The following PTPRO variants were observed in gnomAD, a reference collection of about 807,000 sequenced individuals.
The protein encoded by PTPRO is protein tyrosine phosphatase receptor type O.
PTPRO carries 62 observed loss-of-function variants against 145.2 expected under a neutral mutation model. That is an observed-to-expected ratio of 0.43 (90% CI 0.35 to 0.53). PTPRO has a LOEUF of 0.53. Among genes scored for constraint, PTPRO ranks in the 20% least tolerant of loss-of-function variants. PTPRO has a pLI of 0.01. For synonymous variants in PTPRO, 565 were observed against 514.7 expected (o/e 1.10, Z -1.32); for missense variants, 1,345 against 1,482.7 (o/e 0.91, Z 1.53).
At chr12:15,484,274 G>A (rs369835569) in intron 2 of PTPRO, 27 bp downstream of exon 2, 25 of 1,611,666 alleles carry the variant, frequency 1.6e-5, no homozygotes, top group Admixed American at 3.3e-5. Flanking sequence ...ATATTGTCCC[G>A]TTTCTTCTTA....
At chr12:15,486,438 G>T (rs1478404795) in intron 2 of PTPRO, among the ~76,000 whole-genome samples, 1 of 152,040 alleles carries the variant, frequency 6.6e-6, no homozygotes, top group African/African-American at 2.4e-5. Flanking sequence ...ACGTGTAAAA[G>T]GGTTTCCTGC....
intron 1 of PTPRO, among the ~76,000 whole-genome samples, chr12:15,366,945 G>GA (rs1938379515): frequency 1.3e-5 from 2 of 151,794 alleles, no homozygotes; most frequent in African/African-American, 2.4e-5. Flanking sequence ...GTACTCAAGG[G>GA]AAAAAAATGA....
chr12:15,520,167 G>GT, intron 9 of PTPRO, 34 bp from the exon 10 acceptor site: 1 of 1,450,638 alleles, frequency 6.9e-7, no homozygotes, highest in Non-Finnish European at 9.7e-7. Context: ...TTCTCCCACA[G>GT]TCTTTTGTCT....
chr12:15,348,940 T>C (rs1179165293), intron 1 of PTPRO, among the ~76,000 whole-genome samples: 1 of 152,234 alleles, frequency 6.6e-6, no homozygotes. Flanking sequence ...ATAAATTTGT[T>C]GGAGCAGCAG....
intron 7 of PTPRO, among the ~76,000 whole-genome samples, chr12:15,513,395 C>A (rs1295928458): frequency 1.3e-5 from 2 of 151,908 alleles, no homozygotes; most frequent in African/African-American, 4.8e-5. Flanking sequence ...GTGCAAGAAA[C>A]CCTGATATGA....
intron 1 of PTPRO, among the ~76,000 whole-genome samples, chr12:15,465,113 A>C (rs1427372624): frequency 6.6e-6 from 1 of 152,244 alleles, no homozygotes; most frequent in Non-Finnish European, 1.5e-5. Context: ...ATCCTTCCAA[A>C]GAATGGAATC....
chr12:15,361,645 T>C (rs999342922), intron 1 of PTPRO, among the ~76,000 whole-genome samples: 2 of 152,100 alleles, frequency 1.3e-5, no homozygotes, highest in Non-Finnish European at 2.9e-5. Flanking sequence ...CATTCAGCAG[T>C]GCGTTTAGTT....
intron 1 of PTPRO, among the ~76,000 whole-genome samples, chr12:15,426,315 A>G (rs369050953): frequency 3.9e-5 from 6 of 151,938 alleles, no homozygotes; most frequent in East Asian, 3.9e-4. Flanking sequence ...TAGTTTTTCA[A>G]TTAGTTATCT....
At chr12:15,326,629 T>C (rs1565565418) in intron 1 of PTPRO, among the ~76,000 whole-genome samples, 1 of 152,276 alleles carries the variant, frequency 6.6e-6, no homozygotes, top group Non-Finnish European at 1.5e-5. Context: ...TTTAAACGTA[T>C]AAGCAGATTT....
intron 1 of PTPRO, among the ~76,000 whole-genome samples, chr12:15,466,068 G>T (rs921685667): frequency 2.0e-5 from 3 of 152,122 alleles, no homozygotes; most frequent in African/African-American, 7.2e-5. Flanking sequence ...CCATTTTTCA[G>T]ATGAGAGAAC....
intron 1 of PTPRO, chr12:15,440,217 C>T: frequency 1.5e-6 from 1 of 656,988 alleles, no homozygotes; most frequent in Non-Finnish European, 2.7e-6. Flanking sequence ...TGCACTGCCA[C>T]CCTGGGCAAC....
chr12:15,591,885 T>A (rs1944561269), intron 25 of PTPRO, among the ~76,000 whole-genome samples: 1 of 151,732 alleles, frequency 6.6e-6, no homozygotes, highest in East Asian at 1.9e-4. Context: ...CATAAAATAA[T>A]TAATTAAAAT....
chr12:15,594,638 T>C (rs1944621041), intron 25 of PTPRO, among the ~76,000 whole-genome samples: 1 of 152,070 alleles, frequency 6.6e-6, no homozygotes. Context: ...CATATATGTA[T>C]ATCAAGTCAT....
At chr12:15,387,680 A>G (rs1591765651) in intron 1 of PTPRO, among the ~76,000 whole-genome samples, 1 of 152,340 alleles carries the variant, frequency 6.6e-6, no homozygotes, top group East Asian at 1.9e-4. Flanking sequence ...CCAGTGTCTA[A>G]AACATAACCT....
intron 1 of PTPRO, among the ~76,000 whole-genome samples, chr12:15,419,269 G>A (rs928577164): frequency 6.6e-6 from 1 of 150,660 alleles, no homozygotes; most frequent in African/African-American, 2.5e-5. Context: ...TTGGGGGCGG[G>A]GGAGGGGGGC....
intron 19 of PTPRO, among the ~76,000 whole-genome samples, chr12:15,577,542 G>A (rs751445808): frequency 3.4e-4 from 51 of 152,188 alleles, no homozygotes; most frequent in Non-Finnish European, 6.2e-4. Flanking sequence ...TTCTCCTAGG[G>A]AAGTATTCCT....
chr12:15,330,836 G>C (rs1564360), intron 1 of PTPRO, among the ~76,000 whole-genome samples: 103,393 of 152,018 alleles, frequency 0.68, 35,496 homozygotes, highest in Middle Eastern at 0.77. Context: ...AACCTTGATC[G>C]CTTTGGCTAG....
At chr12:15,514,451 CAAAAAAAAAAA>C (rs71438353) in intron 7 of PTPRO, among the ~76,000 whole-genome samples, 3 of 68,932 alleles carry the variant, frequency 4.4e-5, no homozygotes, top group Admixed American at 2.9e-4. Flanking sequence ...GACTCTGTCT[CAAAAAAAAAAA>C]AAAAAAAAAA....
At chr12:15,513,190 AAAG>A (rs1942497402) in intron 7 of PTPRO, among the ~76,000 whole-genome samples, 1 of 120,190 alleles carries the variant, frequency 8.3e-6, no homozygotes, top group South Asian at 2.8e-4. Context: ...AGAAAGAAAG[AAAG>A]AAAGAAAGAA....
Sources: gnomAD v4.1 joint callset for allele counts (sites outside exome capture counted in the v4.1 genomes callset) on GRCh38, gnomAD v4.1.1 for gene constraint, MANE v1.5 for transcripts, NCBI Gene and HGNC (gene_info 2026-07-23, HGNC 2026-07-21) for gene names.